Variants in CDH18 observed in about 807,000 individuals in gnomAD.
The protein encoded by CDH18 is cadherin-18.
A neutral mutation model predicts 67.9 loss-of-function variants in CDH18; 31 were observed. That is an observed-to-expected ratio of 0.46 (90% CI 0.34 to 0.62). The LOEUF (loss-of-function observed/expected upper bound fraction) is 0.62, where lower values mean the gene tolerates loss of function less well. Among genes scored for constraint, CDH18 ranks in the 20% least tolerant of loss-of-function variants. CDH18 has a pLI of 0.01. For missense variants in CDH18, 890 were observed against 975.5 expected (o/e 0.91, Z 1.17); for synonymous variants, 362 against 347.2 (o/e 1.04, Z -0.48).
chr5:19,604,718 TA>T (rs1392227088), intron 6 of CDH18, among the ~76,000 whole-genome samples: 4 of 152,010 alleles, frequency 2.6e-5, no homozygotes, highest in South Asian at 2.1e-4. Context: ...ATGCCATAAA[TA>T]AAAAGGGCAA....
intron 1 of CDH18, among the ~76,000 whole-genome samples, chr5:20,418,254 T>TTTTTTTTTTTTTG: frequency 1.5e-5 from 2 of 130,496 alleles, no homozygotes; most frequent in Non-Finnish European, 3.2e-5. Context: ...TTTTTTTTTT[T>TTTTTTTTTTTTTG]TTTTTTTTTT....
intron 2 of CDH18, among the ~76,000 whole-genome samples, chr5:19,908,098 G>A (rs1375220963): frequency 6.6e-6 from 1 of 151,914 alleles, no homozygotes; most frequent in East Asian, 1.9e-4. Flanking sequence ...TCTTGCTAAG[G>A]AAGTAAAAAT....
chr5:19,550,117 G>C (rs1055309024), intron 8 of CDH18, among the ~76,000 whole-genome samples: 2 of 151,802 alleles, frequency 1.3e-5, no homozygotes, highest in Non-Finnish European at 2.9e-5. Context: ...GTGCTTTCTG[G>C]TATTGGCTGC....
chr5:19,721,351 T>C lies in CDH18; in HGVS notation c.639A>G (p.Lys213=). The C allele has an allele frequency of 3.1e-6, 5 of 1,600,750 alleles. No homozygotes were observed. The highest frequency in any genetic ancestry group is 4.3e-6 in the Non-Finnish European group (5 of 1,170,578). ...GTTATGTGTAAATGCACTAACCTGT[T>C]TTAGGGTCGACGGAGAAGTAGGGTT... The part of the protein sequence containing the change: ...QGQPYFSVDP[K]TGVIRTALHN... Residue 213 remains lysine (K), a synonymous_variant, in exon 5 of 13, where the codon AAA becomes AAG. Coordinates refer to ENST00000382275, the MANE Select transcript of CDH18 (RefSeq NM_004934.5).
intron 2 of CDH18, among the ~76,000 whole-genome samples, chr5:20,119,326 T>C (rs1748169269): frequency 1.3e-5 from 2 of 152,180 alleles, no homozygotes; most frequent in South Asian, 2.1e-4. Flanking sequence ...TATATAAATC[T>C]AGACTCTTGT....
chr5:20,171,134 T>C (rs528767559), intron 2 of CDH18, among the ~76,000 whole-genome samples: 4 of 152,236 alleles, frequency 2.6e-5, no homozygotes, highest in Admixed American at 2.6e-4. Flanking sequence ...GACATTTGGG[T>C]TGATTCCATG....
intron 1 of CDH18, among the ~76,000 whole-genome samples, chr5:20,365,253 G>A (rs765204109): frequency 6.6e-6 from 1 of 152,042 alleles, no homozygotes; most frequent in Non-Finnish European, 1.5e-5. Flanking sequence ...CAAGCTCTCT[G>A]GTGTCTCTAT....
At chr5:20,057,838 C>T (rs1278325543) in intron 2 of CDH18, among the ~76,000 whole-genome samples, 1 of 152,060 alleles carries the variant, frequency 6.6e-6, no homozygotes, top group Non-Finnish European at 1.5e-5. Context: ...GGTGTGTATG[C>T]TGAGAATGTG....
chr5:20,525,371 C>T (rs1436971771), intron 1 of CDH18, among the ~76,000 whole-genome samples: 1 of 152,074 alleles, frequency 6.6e-6, no homozygotes, highest in African/African-American at 2.4e-5. Context: ...CCTAGAATCA[C>T]TGTGGATCTG....
chr5:20,419,460 CTGTTTTTTTTTTTTTTTTTT>C (rs1209788122), intron 1 of CDH18, among the ~76,000 whole-genome samples: 4 of 100,394 alleles, frequency 4.0e-5, no homozygotes, highest in Non-Finnish European at 8.2e-5. Context: ...GTATGGGACT[CTGTTTTTTTTTTTTTTTTTT>C]TTTTTTTTTT....
intron 1 of CDH18, among the ~76,000 whole-genome samples, chr5:20,323,570 TCAGTTTA>T (rs1405728085): frequency 6.6e-6 from 1 of 152,206 alleles, no homozygotes; most frequent in Non-Finnish European, 1.5e-5. Flanking sequence ...GTTTTTCAAC[TCAGTTTA>T]AATAGAAAAT....
At chr5:20,342,926 T>G (rs1220412830) in intron 1 of CDH18, among the ~76,000 whole-genome samples, 2 of 152,156 alleles carry the variant, frequency 1.3e-5, no homozygotes, top group African/African-American at 4.8e-5. Context: ...TCATCCCAGC[T>G]GGGAGGGTCC....
intron 1 of CDH18, among the ~76,000 whole-genome samples, chr5:20,529,216 G>T (rs968999588): frequency 6.6e-6 from 1 of 151,382 alleles, no homozygotes; most frequent in African/African-American, 2.4e-5. Flanking sequence ...TCCCTGAATA[G>T]ACCAATAACA....
At chr5:20,288,207 A>C (rs942207235) in intron 1 of CDH18, among the ~76,000 whole-genome samples, 1 of 151,780 alleles carries the variant, frequency 6.6e-6, no homozygotes, top group Non-Finnish European at 1.5e-5. Context: ...GCAGAATCTC[A>C]CTGCACTGCA....
intron 2 of CDH18, among the ~76,000 whole-genome samples, chr5:20,177,224 C>G (rs971414829): frequency 6.6e-6 from 1 of 152,002 alleles, no homozygotes; most frequent in African/African-American, 2.4e-5. Flanking sequence ...TTTCAAAATT[C>G]TGTTAATACT....
intron 5 of CDH18, among the ~76,000 whole-genome samples, chr5:19,673,502 A>C (rs527866083): frequency 2.4e-3 from 362 of 152,194 alleles, no homozygotes; most frequent in Middle Eastern, 3.4e-3. Flanking sequence ...AAATCTTTAA[A>C]GTAAACTAAC....
intron 1 of CDH18, among the ~76,000 whole-genome samples, chr5:20,533,981 T>A (rs1479111518): frequency 6.6e-6 from 1 of 152,016 alleles, no homozygotes; most frequent in East Asian, 1.9e-4. Context: ...CTAAGTATAG[T>A]TAAAATTTTT....
At chr5:20,234,274 C>G (rs541292948) in intron 2 of CDH18, among the ~76,000 whole-genome samples, 25 of 152,256 alleles carry the variant, frequency 1.6e-4, no homozygotes, top group South Asian at 6.2e-4. Flanking sequence ...AATATTTCTT[C>G]AGTCATATTC....
At position 19,663,548 on chromosome 5, in the gene CDH18, A is replaced by G. The variant is rs575173883; in HGVS notation, c.644-50947T>C. ...TCAGAATTTTCCAAGTGAAAGTTGG[A>G]GAAACCAAATCCTGAGAGATAATCT... is the stretch of plus-strand genomic sequence containing the variant. On this transcript the variant is annotated intron_variant, in intron 5 of 12. Transcript: ENST00000382275. Among the ~76,000 whole-genome samples, 160 of 152,042 alleles carry G rather than the reference A, an allele frequency of 1.1e-3. 1 individual carries two copies. Among genetic ancestry groups the G allele is most frequent in the African/African-American group, 3.8e-3 (156 of 41,538 alleles).
Sources: gnomAD v4.1 joint callset for allele counts (sites outside exome capture counted in the v4.1 genomes callset) on GRCh38, gnomAD v4.1.1 for gene constraint, MANE v1.5 for transcripts, NCBI Gene and HGNC (gene_info 2026-07-23, HGNC 2026-07-21) for gene names.